Variants in CDH18 observed in about 807,000 individuals in gnomAD.
CDH18 encodes the protein cadherin 18.
CDH18 carries 31 observed loss-of-function variants against 67.9 expected under a neutral mutation model. The ratio of observed to expected loss-of-function variants is 0.46; its 90% CI spans 0.34 to 0.62. The LOEUF is 0.62. CDH18 is among the 20% of genes least tolerant of loss of function. CDH18 has a pLI of 0.01. For missense variants in CDH18, 890 were observed against 975.5 expected (o/e 0.91, Z 1.17); for synonymous variants, 362 against 347.2 (o/e 1.04, Z -0.48).
At chr5:19,721,491 T>C in intron 4 of CDH18, 25 bp from the exon 5 acceptor site, 1 of 1,595,882 alleles carries the variant, frequency 6.3e-7, no homozygotes. Context: ...AAACAAATTT[T>C]AGTGTGTGAT....
chr5:20,037,796 A>G (rs912583015), intron 2 of CDH18, among the ~76,000 whole-genome samples: 7 of 152,122 alleles, frequency 4.6e-5, no homozygotes, highest in African/African-American at 1.7e-4. Context: ...GCAAAGAACT[A>G]GAGAAGCACG....
intron 2 of CDH18, among the ~76,000 whole-genome samples, chr5:20,095,428 AAAG>A (rs1745858261): frequency 6.9e-6 from 1 of 144,654 alleles, no homozygotes; most frequent in African/African-American, 2.6e-5. Flanking sequence ...AGAAAGAAAG[AAAG>A]AAAGAAAGAA....
At position 20,326,537 on chromosome 5, in the gene CDH18, C is replaced by CT. The variant is rs372636215; in HGVS notation, c.-579-71033dup. Among the ~76,000 whole-genome samples, 442 of 134,090 alleles carry CT rather than the reference C, an allele frequency of 3.3e-3. 1 individual carries two copies. Among genetic ancestry groups the CT allele is most frequent in the South Asian group, 0.011 (46 of 4,192 alleles). The allele number at this position is 134,090 out of a possible 152,430, so 88.0% of individuals were successfully genotyped here. On this transcript the variant is annotated intron_variant, in intron 1 of 14. Coordinates refer to the CDH18 transcript ENST00000507958. ...ATTTTTAAAATATTAAACATATTTACTTTTTTTTTTTTTTTTTTTGAGATG... is the reference window on the plus strand; with the variant it reads ...ATTTTTAAAATATTAAACATATTTACTTTTTTTTTTTTTTTTTTTTGAGATG...
chr5:20,572,829 T>C (rs1234594988), intron 1 of CDH18, among the ~76,000 whole-genome samples: 1 of 151,794 alleles, frequency 6.6e-6, no homozygotes, highest in Non-Finnish European at 1.5e-5. Context: ...AAATGGAGAG[T>C]TGAATAAAAG....
At chr5:20,261,133 G>A (rs1215127765) in intron 1 of CDH18, among the ~76,000 whole-genome samples, 1 of 152,076 alleles carries the variant, frequency 6.6e-6, no homozygotes, top group South Asian at 2.1e-4. Flanking sequence ...TTAACATTTT[G>A]CTTAGTTAAA....
intron 2 of CDH18, among the ~76,000 whole-genome samples, chr5:20,243,762 T>C (rs1743166413): frequency 6.6e-6 from 1 of 152,104 alleles, no homozygotes; most frequent in Non-Finnish European, 1.5e-5. Context: ...TACATTACAA[T>C]AAACCCAGCA....
rs1337660647 is a variant in CDH18, at chr5:20,242,613, T to A, written c.-518+12831A>T. ...CATTGAGGGAAAAAAAAAAAAAAAA[T>A]ATATATATATATATATATATGTATA... On this transcript the variant is annotated intron_variant, in intron 2 of 14. Transcript: ENST00000507958. Among the ~76,000 whole-genome samples the A allele has an allele frequency of 1.9e-3, 185 of 99,980 alleles. 1 individual carries two copies. Among genetic ancestry groups the A allele is most frequent in the Non-Finnish European group, 2.7e-3 (140 of 51,722 alleles). 65.6% of individuals were successfully genotyped at this position (99,980 alleles called of 152,430 possible).
intron 2 of CDH18, among the ~76,000 whole-genome samples, chr5:20,008,234 A>T (rs903444161): frequency 1.3e-5 from 2 of 152,000 alleles, no homozygotes; most frequent in African/African-American, 4.8e-5. Context: ...TTGAGAATAT[A>T]AAAAAAACAT....
chr5:19,665,993 G>T (rs1461300174), intron 5 of CDH18, among the ~76,000 whole-genome samples: 1 of 151,956 alleles, frequency 6.6e-6, no homozygotes, highest in Non-Finnish European at 1.5e-5. Flanking sequence ...AGTGAGAAAA[G>T]TTAAGTAGAA....
chr5:20,092,783 T>C (rs1196601776), intron 2 of CDH18, among the ~76,000 whole-genome samples: 1 of 152,124 alleles, frequency 6.6e-6, no homozygotes, highest in African/African-American at 2.4e-5. Flanking sequence ...ATTTTTAATA[T>C]CTTAGAACCC....
intron 1 of CDH18, among the ~76,000 whole-genome samples, chr5:20,468,845 T>C (rs1751850660): frequency 6.6e-6 from 1 of 152,184 alleles, no homozygotes; most frequent in African/African-American, 2.4e-5. Flanking sequence ...GGAAAGTGGA[T>C]ACACATCAGG....
intron 6 of CDH18, among the ~76,000 whole-genome samples, chr5:19,600,343 TATA>T (rs1174358480): frequency 6.6e-6 from 1 of 151,622 alleles, no homozygotes; most frequent in African/African-American, 2.4e-5. Flanking sequence ...AACTTAAAAG[TATA>T]ATAATTAAAA....
At chr5:19,960,457 A>T (rs1190534963) in intron 2 of CDH18, among the ~76,000 whole-genome samples, 1 of 151,432 alleles carries the variant, frequency 6.6e-6, no homozygotes, top group South Asian at 2.1e-4. Flanking sequence ...TTCAGGGGCA[A>T]TAACACACAT....
At chr5:19,751,286 G>A (rs1770810861) in intron 3 of CDH18, among the ~76,000 whole-genome samples, 1 of 152,142 alleles carries the variant, frequency 6.6e-6, no homozygotes, top group South Asian at 2.1e-4. Context: ...AAGTTAAGAA[G>A]ATGTTGGTGG....
intron 3 of CDH18, among the ~76,000 whole-genome samples, chr5:19,750,106 C>G (rs1025185191): frequency 6.6e-6 from 1 of 151,972 alleles, no homozygotes; most frequent in Non-Finnish European, 1.5e-5. Context: ...TTGGTTAAAT[C>G]TTGAAATAAG....
intron 2 of CDH18, among the ~76,000 whole-genome samples, chr5:20,122,035 C>G (rs942509685): frequency 6.6e-6 from 1 of 152,164 alleles, no homozygotes; most frequent in Non-Finnish European, 1.5e-5. Context: ...TCCCTCCCCC[C>G]TCTCACAATG....
At chr5:19,935,563 A>C (rs747899379) in intron 2 of CDH18, among the ~76,000 whole-genome samples, 3 of 151,352 alleles carry the variant, frequency 2.0e-5, no homozygotes, top group African/African-American at 7.3e-5. Flanking sequence ...GTTATAGCCT[A>C]GGTGTGTAGT....
At chr5:19,712,015 G>C (rs62351356) in intron 5 of CDH18, among the ~76,000 whole-genome samples, 22,898 of 151,966 alleles carry the variant, frequency 0.15, 2,182 homozygotes, top group Admixed American at 0.19. Context: ...CAGGAACATA[G>C]ACGGAACTGG....
At chr5:19,724,053 A>C (rs1252550721) in intron 4 of CDH18, among the ~76,000 whole-genome samples, 2 of 152,066 alleles carry the variant, frequency 1.3e-5, no homozygotes, top group African/African-American at 4.8e-5. Flanking sequence ...TCACAGAAAA[A>C]CCTGCTTACA....
Sources: allele counts gnomAD v4.1 joint callset (sites outside exome capture counted in the v4.1 genomes callset), GRCh38; gene constraint gnomAD v4.1.1; transcripts MANE v1.5; gene names NCBI Gene and HGNC (gene_info 2026-07-23, HGNC 2026-07-21).